The following AKNA variants were observed in gnomAD, a reference collection of about 807,000 sequenced individuals.
AKNA encodes AT-hook transcription factor, also known as microtubule organization protein AKNA.
AKNA carries 67 observed loss-of-function variants against 138.8 expected under a neutral mutation model. The observed-to-expected ratio is 0.48, with a 90% CI of 0.40 to 0.59. The LOEUF is 0.59. Ranked by LOEUF, AKNA falls within the 20% of genes least tolerant of loss-of-function variation. The pLI is 0.00. For synonymous variants in AKNA, 737 were observed against 754.4 expected, an observed-to-expected ratio of 0.98 and a Z score of 0.38; for missense variants, 1,813 against 1,880.4, an observed-to-expected ratio of 0.96 and a Z score of 0.66.
At position 114,355,591 on chromosome 9, in the gene AKNA, T is replaced by G. The variant is rs941900624; in HGVS notation, c.3058+334A>C. Among the ~76,000 whole-genome samples, 215 of 152,322 alleles carry G rather than the reference T, an allele frequency of 1.4e-3. 2 individuals are homozygous for G. Among genetic ancestry groups the G allele is most frequent in the Non-Finnish European group, 3.1e-4 (21 of 68,030 alleles). On this transcript the variant is annotated intron_variant, in intron 14 of 21. Transcript: ENST00000374088. ...GACTGCAACATCGCAACCAAAGGAA[T>G]TTTCAGCTCCATGAAAATCTTATGG...
At chr9:114,359,396 T>C (rs1308784686) in intron 11 of AKNA, 198 bp downstream of exon 11, 1 of 1,027,342 alleles carries the variant, frequency 9.7e-7, no homozygotes, top group African/African-American at 1.6e-5. Context: ...ATACTGCATG[T>C]GTCCTACTGA....
intron 13 of AKNA, 136 bp downstream of exon 13, chr9:114,356,727 C>G (rs1046652448): frequency 1.3e-6 from 1 of 770,364 alleles, no homozygotes; most frequent in African/African-American, 1.8e-5. Flanking sequence ...AACAAGAAAT[C>G]ACGGTTAGGG....
intron 1 of AKNA, among the ~76,000 whole-genome samples, chr9:114,384,904 T>A (rs1041417488): frequency 6.6e-6 from 1 of 152,142 alleles, no homozygotes; most frequent in Non-Finnish European, 1.5e-5. Context: ...CAGGCTGGAG[T>A]ACAATGGCAA....
chr9:114,351,082 C>A, intron 14 of AKNA, 61 bp from the exon 15 acceptor site: 2 of 1,531,204 alleles, frequency 1.3e-6, no homozygotes, highest in Non-Finnish European at 8.9e-7. Context: ...CAAGCTCACA[C>A]TTGTGCAGGT....
intron 12 of AKNA, among the ~76,000 whole-genome samples, chr9:114,357,702 A>G (rs143231163): frequency 7.9e-5 from 12 of 152,318 alleles, no homozygotes; most frequent in African/African-American, 2.9e-4. Context: ...ATGGGTTGCA[A>G]GCTCTCAGAG....
At position 114,362,399 on chromosome 9, in the gene AKNA, C is replaced by CA. The variant is rs369716767; in HGVS notation, c.1916+6dup. 3,092 of 1,608,640 alleles carry CA rather than the reference C, an allele frequency of 1.9e-3. 72 individuals carry two copies. In the South Asian group the frequency reaches 0.031, roughly 16 times the overall value. On this transcript the variant is annotated splice_region_variant and intron_variant, in intron 8 of 21. Transcript: ENST00000374088. ...TGTCCTTCCAGGCCTTCCACCCCAG[C>CA]AGGTACCTGCGAGGATCAAATCTTC... is the stretch of plus-strand genomic sequence containing the variant.
chr9:114,397,678 G>C (rs1326815178), upstream of AKNA, among the ~76,000 whole-genome samples: 1 of 152,182 alleles, frequency 6.6e-6, no homozygotes, highest in African/African-American at 2.4e-5. Context: ...CATCACACTG[G>C]GGAGAGCCCA....
At chr9:114,361,984 C>T in intron 8 of AKNA, 73 bp from the exon 9 acceptor site, 1 of 1,505,170 alleles carries the variant, frequency 6.6e-7, no homozygotes, top group Non-Finnish European at 9.1e-7. Context: ...AACAGAGTAT[C>T]AGAGCAGAGA....
chr9:114,336,045 G>C lies in AKNA; in HGVS notation c.*1009C>G, dbSNP rs1390963602. 1 of 152,310 alleles carries C rather than the reference G, an allele frequency of 6.6e-6. No homozygotes were observed. The highest frequency in any genetic ancestry group is 2.4e-5 in the African/African-American group (1 of 41,450). 9.4% of individuals were successfully genotyped at this position (152,310 alleles called of 1,614,324 possible). A position where few individuals can be genotyped will look rare whatever the true frequency, so the allele number is the denominator to read the frequency against. On this transcript the variant is annotated 3_prime_UTR_variant, in exon 22 of 22. Coordinates refer to ENST00000374088, the MANE Select transcript of AKNA (RefSeq NM_001317950.2). ...AGCACCCAACAGGTCCCCTGGGAAAGGGCTTGGCTGGGCATCAAACCTACC... is the reference window on the plus strand; with the variant it reads ...AGCACCCAACAGGTCCCCTGGGAAACGGCTTGGCTGGGCATCAAACCTACC...
rs143621636 is a variant in AKNA, at chr9:114,347,814, G to A, written c.3308C>T (p.Pro1103Leu). Residue 1103 changes from proline to leucine, a missense_variant, in exon 16 of 22, where the codon CCG becomes CTG. Coordinates refer to ENST00000374088, the MANE Select transcript of AKNA (RefSeq NM_001317950.2). Reference sequence around the variant, plus strand: ...GTCAAAGGCAGATGCTGGGCGTGTCGGGCTGCCCTGGAGTGGCTGGTGCAG... The same window carrying A: ...GTCAAAGGCAGATGCTGGGCGTGTCAGGCTGCCCTGGAGTGGCTGGTGCAG... Reference protein sequence around the residue: ...DSLHQPLQGSPTRPASAFDRP... With the variant: ...DSLHQPLQGSLTRPASAFDRP... 21 of 1,551,986 alleles carry A rather than the reference G, an allele frequency of 1.4e-5. No homozygotes were observed. In the African/African-American group the frequency reaches 1.4e-4, roughly 10 times the overall value.
upstream of AKNA, among the ~76,000 whole-genome samples, chr9:114,389,127 G>A (rs1564103701): frequency 6.6e-6 from 1 of 152,178 alleles, no homozygotes; most frequent in Non-Finnish European, 1.5e-5. Flanking sequence ...GAAGGTTTGG[G>A]GCAGAGTGTT....
intron 6 of AKNA, 40 bp downstream of exon 6, chr9:114,367,503 G>T: frequency 6.2e-7 from 1 of 1,606,118 alleles, no homozygotes; most frequent in South Asian, 1.1e-5. Context: ...TTCTCCAGGT[G>T]AGTTAAGTCT....
In AKNA at chr9:114,365,354, CA is replaced by C. The variant is rs368855584; in HGVS notation, c.1729-736del. On this transcript the variant is annotated intron_variant, in intron 6 of 21. Transcript: ENST00000374088. ...GCTTATGCAGCCATTTCTATAAATG[CA>C]AGTGTGTGCATTGAACATTTTTGCA... 6.4e-4 allele frequency among the ~76,000 whole-genome samples: 98 copies of C among 152,272 alleles called. 2 individuals carry two copies. The East Asian group carries it at 0.018, about 27-fold the overall frequency.
chr9:114,376,233 G>C, intron 3 of AKNA: 1 of 343,710 alleles, frequency 2.9e-6, no homozygotes, highest in Non-Finnish European at 5.5e-6. Context: ...CCCCACCCCA[G>C]GCCTCCCCAC....
chr9:114,388,041 C>G (rs1277379028), upstream of AKNA: 3 of 270,916 alleles, frequency 1.1e-5, no homozygotes, highest in Non-Finnish European at 8.2e-6. Context: ...CCGCCCCTGC[C>G]GTGGTTGAGG....
Position 114,347,844 on chromosome 9 carries a change from T to C in AKNA, c.3278A>G (p.Asp1093Gly), listed in dbSNP as rs761550337. ...GCCCTGGAGTGGCTGGTGCAGGCTG[T>C]CTTCCAGCCGCAGACGAAGCCGGGA... ...EVSRLRLRLE[D>G]SLHQPLQGSP... The change falls in exon 16 of 22, where the codon GAC becomes GGC. Residue 1093 changes from aspartate (D) to glycine (G), a missense_variant. Coordinates refer to ENST00000374088, the MANE Select transcript of AKNA (RefSeq NM_001317950.2). The C allele has an allele frequency of 6.5e-6, 10 of 1,550,082 alleles. No homozygotes were observed. Among genetic ancestry groups the C allele is most frequent in the Non-Finnish European group, 8.7e-6 (10 of 1,146,860 alleles).
chr9:114,381,039 G>C (rs919772991), intron 2 of AKNA, 21 bp downstream of exon 2: 5 of 1,510,596 alleles, frequency 3.3e-6, no homozygotes, highest in South Asian at 1.3e-5. Flanking sequence ...ACCACTGTAG[G>C]GGGAGGGGTG....
chr9:114,358,210 G>A, intron 11 of AKNA, 43 bp from the exon 12 acceptor site: 1 of 1,610,410 alleles, frequency 6.2e-7, no homozygotes. Flanking sequence ...CTGCCAGGCA[G>A]CCCTGACGCA....
intron 18 of AKNA, chr9:114,344,364 G>A (rs1429034506): frequency 6.5e-6 from 1 of 153,302 alleles, no homozygotes; most frequent in Non-Finnish European, 1.5e-5. Flanking sequence ...GCTCCGCCCA[G>A]TGCCTGGCAG....
Sources: allele counts gnomAD v4.1 joint callset (sites outside exome capture counted in the v4.1 genomes callset), GRCh38; gene constraint gnomAD v4.1.1; transcripts MANE v1.5; gene names NCBI Gene and HGNC (gene_info 2026-07-23, HGNC 2026-07-21).